Variants in UQCC1 observed in about 807,000 individuals in gnomAD.
UQCC1 encodes bFGF-repressed Zic-binding protein.
In UQCC1, 38 loss-of-function variants were observed where a neutral mutation model predicts 48.0. The observed-to-expected ratio is 0.79, with a 90% CI of 0.61 to 1.04. UQCC1 has a LOEUF of 1.04. UQCC1 is among the 50% of genes least tolerant of loss of function. The pLI is 0.00. For missense variants in UQCC1, 368 were observed against 381.8 expected (o/e 0.96, Z 0.30); for synonymous variants, 111 against 129.2 (o/e 0.86, Z 0.95).
Position 35,374,211 on chromosome 20 carries a change from T to A in UQCC1, c.379A>T (p.Lys127Ter), listed in dbSNP as rs2061768744. ...AGAAAGAATTCCTCGAAGTCAGTTT[T>A]CTCCACACAGCTAGTATACATGCGC... ...ALRMYTSCVE[K>*]TDFEEFFLRC... The change falls in exon 5 of 10, where the codon AAA (lysine) becomes TAA (stop). Residue 127 changes from lysine to a stop codon, truncating the protein, a stop_gained. Coordinates refer to ENST00000374385, the MANE Select transcript of UQCC1 (RefSeq NM_018244.5). LOFTEE classifies it high-confidence loss of function. The A allele has an allele frequency of 6.2e-7, 1 of 1,612,706 alleles. No individual in the cohort carries two copies. Among genetic ancestry groups the A allele is most frequent in the Non-Finnish European group, 8.5e-7 (1 of 1,179,436 alleles).
intron 1 of UQCC1, among the ~76,000 whole-genome samples, chr20:35,396,097 G>A (rs1487025439): frequency 2.8e-5 from 4 of 142,926 alleles, no homozygotes; most frequent in East Asian, 2.2e-4. Flanking sequence ...CGATTCTTAC[G>A]CCTCAGACTC....
At chr20:35,337,091 A>C (rs747477963) in intron 7 of UQCC1, among the ~76,000 whole-genome samples, 3 of 152,202 alleles carry the variant, frequency 2.0e-5, no homozygotes, top group Non-Finnish European at 4.4e-5. Flanking sequence ...TAATTAGTTT[A>C]GGAGCAGTGG....
intron 6 of UQCC1, among the ~76,000 whole-genome samples, chr20:35,348,203 C>T (rs1031415425): frequency 5.9e-5 from 9 of 152,184 alleles, no homozygotes; most frequent in African/African-American, 2.2e-4. Context: ...AGGACCTTTT[C>T]CCCTATACCA....
At chr20:35,316,447 G>T (rs575830388) in intron 7 of UQCC1, among the ~76,000 whole-genome samples, 7 of 152,140 alleles carry the variant, frequency 4.6e-5, no homozygotes, top group African/African-American at 1.7e-4. Context: ...GTCTGCCAGG[G>T]TTCTGCTTCT....
At chr20:35,404,917 G>A (rs2062228926) in intron 1 of UQCC1, among the ~76,000 whole-genome samples, 2 of 152,110 alleles carry the variant, frequency 1.3e-5, no homozygotes, top group African/African-American at 4.8e-5. Context: ...AAAAGCTGGG[G>A]AATAAGATGT....
intron 5 of UQCC1, among the ~76,000 whole-genome samples, chr20:35,368,568 C>T (rs958831755): frequency 3.3e-5 from 5 of 152,162 alleles, no homozygotes; most frequent in Non-Finnish European, 7.3e-5. Context: ...CATCTGCATA[C>T]CAGATCTACT....
At chr20:35,349,616 G>A (rs995027789) in intron 6 of UQCC1, among the ~76,000 whole-genome samples, 4 of 152,214 alleles carry the variant, frequency 2.6e-5, no homozygotes, top group Admixed American at 6.5e-5. Flanking sequence ...AGGACTAGAA[G>A]TATCTTAAGA....
chr20:35,406,066 CA>C (rs947487676), intron 1 of UQCC1, among the ~76,000 whole-genome samples: 4 of 151,156 alleles, frequency 2.6e-5, no homozygotes, highest in Admixed American at 2.6e-4. Context: ...TTAGTAGCCT[CA>C]AAATGAAAAG....
intron 9 of UQCC1, among the ~76,000 whole-genome samples, chr20:35,305,324 C>T (rs2060916453): frequency 6.6e-6 from 1 of 152,330 alleles, no homozygotes; most frequent in South Asian, 2.1e-4. Flanking sequence ...TTTTCCACTG[C>T]CTCTCACTGG....
intron 5 of UQCC1, among the ~76,000 whole-genome samples, chr20:35,366,955 G>A (rs1021686160): frequency 6.6e-6 from 1 of 151,958 alleles, no homozygotes; most frequent in South Asian, 2.1e-4. Context: ...TTAACCAGGC[G>A]TGGTGGTGGG....
At position 35,303,880 on chromosome 20, in the gene UQCC1, C is replaced by T; in HGVS notation, c.*55G>A. The stretch of plus-strand genomic sequence containing the variant: ...CAGGGTCCTGGACCAACAGGCACTT[C>T]TCTCCTGGAGGTTCCTCGAAGCCAG... On this transcript the variant is annotated 3_prime_UTR_variant, in exon 10 of 10. Transcript: ENST00000374385. 1 of 1,613,422 alleles carries T rather than the reference C, an allele frequency of 6.2e-7. No homozygotes were observed. Among genetic ancestry groups the T allele is most frequent in the African/African-American group, 1.3e-5 (1 of 75,034 alleles).
At chr20:35,321,016 G>A (rs1175630154) in intron 7 of UQCC1, among the ~76,000 whole-genome samples, 2 of 152,198 alleles carry the variant, frequency 1.3e-5, no homozygotes, top group Non-Finnish European at 2.9e-5. Flanking sequence ...CAGTCATTGT[G>A]CGGCAACAGG....
chr20:35,377,792 T>C (rs1312994283), intron 4 of UQCC1, among the ~76,000 whole-genome samples: 1 of 152,198 alleles, frequency 6.6e-6, no homozygotes, highest in African/African-American at 2.4e-5. Flanking sequence ...AGTCTTTCCT[T>C]GAGAAGGAAG....
chr20:35,391,702 C>T (rs986921715), intron 2 of UQCC1, among the ~76,000 whole-genome samples: 5 of 144,836 alleles, frequency 3.5e-5, no homozygotes, highest in Non-Finnish European at 6.0e-5. Context: ...GATTTGTTAT[C>T]GCAGATCAAA....
At chr20:35,367,092 T>TAA (rs72469122) in intron 5 of UQCC1, among the ~76,000 whole-genome samples, 5,562 of 101,200 alleles carry the variant, frequency 0.055, 217 homozygotes, top group Non-Finnish European at 0.074. Context: ...AGACTCTGTC[T>TAA]AAAAAAAAAA....
In UQCC1 at chr20:35,304,046, G is replaced by A; in HGVS notation, c.789C>T (p.Asn263=). ...CCCCTGTCAGAAGCAGATCCTCCCC[G>A]TTCATGGAGTCCAGGTACTGTATCT... ...RKQIQYLDSM[N]GEDLLLTGEV... Residue 263 remains asparagine, a synonymous_variant, in exon 10 of 10, where the codon AAC becomes AAT. Transcript: ENST00000374385. The A allele has an allele frequency of 1.9e-6, 3 of 1,614,114 alleles. No homozygotes were observed. Among genetic ancestry groups the A allele is most frequent in the South Asian group, 1.1e-5 (1 of 91,084 alleles).
chr20:35,394,282 ATAAT>A, intron 1 of UQCC1, 86 bp from the exon 2 acceptor site: 1 of 1,155,102 alleles, frequency 8.7e-7, no homozygotes, highest in Non-Finnish European at 1.3e-6. Flanking sequence ...ATACTGTAAT[ATAAT>A]TAGAAATATA....
chr20:35,384,248 C>A, intron 2 of UQCC1, 115 bp from the exon 3 acceptor site: 1 of 889,640 alleles, frequency 1.1e-6, no homozygotes. Flanking sequence ...AGCCCACTTC[C>A]CCGTGATCAG....
At chr20:35,349,556 G>A (rs1023066284) in intron 6 of UQCC1, among the ~76,000 whole-genome samples, 30 of 152,198 alleles carry the variant, frequency 2.0e-4, no homozygotes, top group African/African-American at 6.5e-4. Context: ...AAACCAGAAC[G>A]TATTTGGAAT....
Sources: allele counts gnomAD v4.1 joint callset (sites outside exome capture counted in the v4.1 genomes callset), GRCh38; gene constraint gnomAD v4.1.1; transcripts MANE v1.5; gene names NCBI Gene and HGNC (gene_info 2026-07-23, HGNC 2026-07-21).